Variants in PDE3A observed in about 807,000 individuals in gnomAD.
PDE3A encodes the protein phosphodiesterase 3A.
Under a neutral mutation model 98.3 loss-of-function variants are expected in PDE3A, and 43 were observed. The ratio of observed to expected loss-of-function variants is 0.44; its 90% CI spans 0.34 to 0.56. The LOEUF is 0.56. PDE3A is among the 20% of genes least tolerant of loss of function. PDE3A has a pLI of 0.01. For missense variants in PDE3A, 1,427 were observed against 1,440.7 expected (o/e 0.99, Z 0.15); for synonymous variants, 663 against 567.9 (o/e 1.17, Z -2.38).
At chr12:20,572,583 T>C (rs1308970549) in intron 2 of PDE3A, among the ~76,000 whole-genome samples, 1 of 152,084 alleles carries the variant, frequency 6.6e-6, no homozygotes, top group Admixed American at 6.6e-5. Flanking sequence ...TCCATCCTTC[T>C]GCATTTTTTC....
intron 2 of PDE3A, among the ~76,000 whole-genome samples, chr12:20,612,945 G>T (rs988130114): frequency 6.6e-6 from 1 of 151,746 alleles, no homozygotes; most frequent in Non-Finnish European, 1.5e-5. Flanking sequence ...GAGTTTTTTT[G>T]TGTCTATCTC....
At chr12:20,466,262 C>T (rs140498451) in intron 1 of PDE3A, among the ~76,000 whole-genome samples, 10 of 152,330 alleles carry the variant, frequency 6.6e-5, no homozygotes, top group African/African-American at 1.7e-4. Context: ...ACACTTAGCA[C>T]TGACAGCTAC....
intron 1 of PDE3A, among the ~76,000 whole-genome samples, chr12:20,393,087 TAATTTATTTTATATTTCAA>T (rs1328358385): frequency 5.9e-5 from 9 of 152,120 alleles, no homozygotes; most frequent in Non-Finnish European, 1.0e-4. Context: ...TAGTTAACAG[TAATTTATTTTATATTTCAA>T]AATAGCTAGA....
chr12:20,386,204 A>T (rs1382601622), intron 1 of PDE3A, among the ~76,000 whole-genome samples: 10 of 66,128 alleles, frequency 1.5e-4, no homozygotes, highest in Non-Finnish European at 2.6e-4. Flanking sequence ...AATATATAAA[A>T]ATATATATAA....
chr12:20,369,379 G>T lies in PDE3A; in HGVS notation c.95G>T (p.Arg32Leu), dbSNP rs1459681418. ...APTAGRDCHH[R>L]ADPASPRDSG... Reference sequence around the variant, plus strand: ...ACGGCGGGCCGGGACTGCCACCATCGTGCGGACCCCGCATCGCCGCGGGAC... The same window carrying T: ...ACGGCGGGCCGGGACTGCCACCATCTTGCGGACCCCGCATCGCCGCGGGAC... The change falls in exon 1 of 16, where the codon CGT becomes CTT. Residue 32 changes from arginine to leucine, a missense_variant. Coordinates refer to ENST00000359062, the MANE Select transcript of PDE3A (RefSeq NM_000921.5). 5 of 1,550,106 alleles carry T rather than the reference G, an allele frequency of 3.2e-6. No individual in the cohort carries two copies. The highest frequency in any genetic ancestry group is 4.4e-6 in the Non-Finnish European group (5 of 1,147,468).
intron 15 of PDE3A, among the ~76,000 whole-genome samples, chr12:20,675,189 A>T (rs7315624): frequency 0.045 from 6,866 of 151,672 alleles, 274 homozygotes; most frequent in African/African-American, 0.1. Flanking sequence ...ATTCAGAGAC[A>T]TTTTTTTTAA....
chr12:20,551,888 C>A, intron 1 of PDE3A: 2 of 1,613,598 alleles, frequency 1.2e-6, no homozygotes, highest in Non-Finnish European at 1.7e-6. Flanking sequence ...CACTACGGAC[C>A]CATCCCGGGG....
At chr12:20,482,043 C>T (rs1429820004) in intron 1 of PDE3A, among the ~76,000 whole-genome samples, 2 of 151,920 alleles carry the variant, frequency 1.3e-5, no homozygotes, top group Admixed American at 1.3e-4. Context: ...GGATTACAGG[C>T]GTGAGCCACC....
chr12:20,425,641 A>G (rs1565545190), intron 1 of PDE3A, among the ~76,000 whole-genome samples: 1 of 152,174 alleles, frequency 6.6e-6, no homozygotes, highest in African/African-American at 2.4e-5. Flanking sequence ...ATATAAACTC[A>G]TTCTAAGATT....
At chr12:20,600,438 G>T (rs992402626) in intron 2 of PDE3A, among the ~76,000 whole-genome samples, 2 of 151,976 alleles carry the variant, frequency 1.3e-5, no homozygotes, top group African/African-American at 4.8e-5. Flanking sequence ...GTTAATCAAA[G>T]CTCTTGAATA....
At chr12:20,402,234 C>T (rs1331902051) in intron 1 of PDE3A, among the ~76,000 whole-genome samples, 2 of 152,084 alleles carry the variant, frequency 1.3e-5, no homozygotes, top group African/African-American at 2.4e-5. Flanking sequence ...ACTGCAGCCT[C>T]CGCCTCCCGG....
intron 1 of PDE3A, among the ~76,000 whole-genome samples, chr12:20,491,658 C>T (rs1191794855): frequency 6.6e-6 from 1 of 152,116 alleles, no homozygotes; most frequent in Non-Finnish European, 1.5e-5. Flanking sequence ...ATGTAGGCAT[C>T]ATACTGGGTA....
intron 4 of PDE3A, among the ~76,000 whole-genome samples, chr12:20,617,992 A>G (rs748972804): frequency 2.6e-5 from 4 of 152,160 alleles, no homozygotes; most frequent in Non-Finnish European, 5.9e-5. Flanking sequence ...GAAAATACTT[A>G]CAATAGAAAT....
rs1385388224 is a variant in PDE3A at position 20,476,779 on chromosome 12, A to C, written c.961-79881A>C. Among the ~76,000 whole-genome samples the C allele has an allele frequency of 1.8e-4, 27 of 152,212 alleles. 1 individual carries two copies. The highest frequency in any genetic ancestry group is 1.8e-3 in the Admixed American group (27 of 15,280). ...GGCCTTGCCCAAAGAGCAAAAAGATATGACAACAAAATTATAACCCTTGGC... is the reference window on the plus strand; with the variant it reads ...GGCCTTGCCCAAAGAGCAAAAAGATCTGACAACAAAATTATAACCCTTGGC... On this transcript the variant is annotated intron_variant, in intron 1 of 15. Transcript: ENST00000359062.
At chr12:20,556,143 A>G (rs907140704) in intron 1 of PDE3A, among the ~76,000 whole-genome samples, 3 of 152,172 alleles carry the variant, frequency 2.0e-5, no homozygotes, top group African/African-American at 7.2e-5. Flanking sequence ...TTTATAGGTT[A>G]TTATTAAAAA....
At chr12:20,433,649 T>G (rs1328548088) in intron 1 of PDE3A, among the ~76,000 whole-genome samples, 1 of 152,214 alleles carries the variant, frequency 6.6e-6, no homozygotes, top group Non-Finnish European at 1.5e-5. Flanking sequence ...CTATCAGAAT[T>G]TTAAGAACAG....
intron 1 of PDE3A, among the ~76,000 whole-genome samples, chr12:20,500,184 T>C (rs1375573370): frequency 1.3e-5 from 2 of 152,168 alleles, no homozygotes; most frequent in Non-Finnish European, 2.9e-5. Context: ...CAAAATTGGA[T>C]CCAAGTCAAT....
chr12:20,427,404 T>C (rs1944618431), intron 1 of PDE3A, among the ~76,000 whole-genome samples: 1 of 152,196 alleles, frequency 6.6e-6, no homozygotes, highest in Non-Finnish European at 1.5e-5. Context: ...AAGATAGCTA[T>C]AGTATGACCT....
chr12:20,467,171 T>C (rs1296869349), intron 1 of PDE3A, among the ~76,000 whole-genome samples: 1 of 152,130 alleles, frequency 6.6e-6, no homozygotes, highest in Non-Finnish European at 1.5e-5. Flanking sequence ...GAGTTCTTAG[T>C]TATTGGTTGT....
Sources: gnomAD v4.1 joint callset for allele counts (sites outside exome capture counted in the v4.1 genomes callset) on GRCh38, gnomAD v4.1.1 for gene constraint, MANE v1.5 for transcripts, NCBI Gene and HGNC (gene_info 2026-07-23, HGNC 2026-07-21) for gene names.